SNTG2: variants seen among roughly 807,000 people sequenced by gnomAD.
SNTG2 encodes syntrophin gamma 2.
A neutral mutation model predicts 70.9 loss-of-function variants in SNTG2; 74 were observed. The observed-to-expected ratio is 1.04, with a 90% CI of 0.86 to 1.27. The LOEUF (loss-of-function observed/expected upper bound fraction) is 1.27, where lower values mean the gene tolerates loss of function less well. SNTG2 is among the 50% of genes most tolerant of loss of function. The pLI is 0.00. For missense variants in SNTG2, 717 were observed against 690.7 expected (o/e 1.04, Z -0.43); for synonymous variants, 278 against 273.8 (o/e 1.02, Z -0.15).
intron 4 of SNTG2, chr2:1,102,785 G>A (rs943783327): frequency 1.3e-5 from 2 of 152,480 alleles, no homozygotes; most frequent in Admixed American, 6.5e-5. Context: ...ACTTGCTGTA[G>A]GTGGAGAGGA....
At chr2:1,058,562 AGTGTCTCCTCAGCT>A (rs1295245441) in intron 1 of SNTG2, among the ~76,000 whole-genome samples, 2 of 152,222 alleles carry the variant, frequency 1.3e-5, no homozygotes, top group Non-Finnish European at 2.9e-5. Context: ...CAAAAATCCT[AGTGTCTCCTCAGCT>A]GCTGCTGTCT....
chr2:1,140,491 AGCAGGAGCT>A (rs1004318974), intron 6 of SNTG2, among the ~76,000 whole-genome samples: 22 of 152,338 alleles, frequency 1.4e-4, no homozygotes, highest in African/African-American at 4.8e-4. Context: ...GGGGGCGGGC[AGCAGGAGCT>A]GCCGGTTCCT....
Position 951,064 on chromosome 2 carries a change from C to T in SNTG2, c.68C>T (p.Ala23Val). 3 of 1,266,608 alleles carry T rather than the reference C, an allele frequency of 2.4e-6. No homozygotes were observed. The highest frequency in any genetic ancestry group is 3.0e-6 in the Non-Finnish European group (3 of 1,009,236). The allele number at this position is 1,266,608 out of a possible 1,614,324, so 78.5% of individuals were successfully genotyped here. Residue 23 changes from alanine (A) to valine (V), a missense_variant, in exon 1 of 17, where the codon GCG becomes GTG. Transcript: ENST00000308624. ...CGCCAGGGCTGCCTGCTGGTACCTG[C>T]GCGGGTGAGTGCGGCCCCTCAGCGC... The part of the protein sequence containing the change: ...RGRQGCLLVP[A>V]RTKTTIALLY...
At chr2:1,044,348 G>C (rs1334740922) in intron 1 of SNTG2, among the ~76,000 whole-genome samples, 1 of 152,016 alleles carries the variant, frequency 6.6e-6, no homozygotes, top group Non-Finnish European at 1.5e-5. Context: ...TATCATCTGT[G>C]AAAAGAGATA....
At chr2:951,131 C>A (rs1477300968) in intron 1 of SNTG2, 63 bp downstream of exon 1, 1 of 718,404 alleles carries the variant, frequency 1.4e-6, no homozygotes, top group East Asian at 3.4e-5. Context: ...TCGCGCCCTT[C>A]TCCCCCCGCC....
intron 9 of SNTG2, among the ~76,000 whole-genome samples, chr2:1,225,973 C>T (rs370712290): frequency 2.4e-4 from 36 of 151,698 alleles, no homozygotes; most frequent in African/African-American, 8.0e-4. Flanking sequence ...ATTTCTTGAC[C>T]ACCATTTAAT....
chr2:1,164,304 C>T (rs938858928), intron 6 of SNTG2, among the ~76,000 whole-genome samples: 2 of 126,762 alleles, frequency 1.6e-5, no homozygotes, highest in Non-Finnish European at 3.3e-5. Flanking sequence ...GACGAGAGGG[C>T]GGGGTGGGAT....
chr2:1,297,927 G>T (rs1434738059), intron 14 of SNTG2, among the ~76,000 whole-genome samples: 1 of 152,086 alleles, frequency 6.6e-6, no homozygotes, highest in African/African-American at 2.4e-5. Flanking sequence ...CTTGAGCAGG[G>T]CGCGTGTTGG....
chr2:1,353,391 G>A lies in SNTG2; in HGVS notation c.1489-13952G>A, dbSNP rs1660686080. Among the ~76,000 whole-genome samples, 1 of 152,180 alleles carries A rather than the reference G, an allele frequency of 6.6e-6. No individual in the cohort carries two copies. The highest frequency in any genetic ancestry group is 2.1e-4 in the South Asian group (1 of 4,828). ...CGCAAGTGTGGAATTGAGTTCCGGG[G>A]TGTGGCTGTTCCTCGTGATTGTTGC... is the stretch of plus-strand genomic sequence containing the variant. On this transcript the variant is annotated intron_variant, in intron 16 of 16. Coordinates refer to ENST00000308624, the MANE Select transcript of SNTG2 (RefSeq NM_018968.4). The surrounding 1 kb of genome is among the most constrained non-coding windows in gnomAD (Gnocchi z 4.2).
intron 7 of SNTG2, among the ~76,000 whole-genome samples, chr2:1,167,331 C>T (rs533519409): frequency 3.7e-4 from 55 of 150,454 alleles, no homozygotes; most frequent in African/African-American, 1.3e-3. Flanking sequence ...GCCTATAGGC[C>T]GCCCACAGAC....
intron 8 of SNTG2, among the ~76,000 whole-genome samples, chr2:1,182,156 T>A (rs543006537): frequency 6.6e-6 from 1 of 152,238 alleles, no homozygotes; most frequent in South Asian, 2.1e-4. Flanking sequence ...CACTCAGTGT[T>A]CTGGGTTCTT....
chr2:1,260,885 G>T (rs76357505), intron 13 of SNTG2, among the ~76,000 whole-genome samples: 3 of 151,902 alleles, frequency 2.0e-5, no homozygotes, highest in African/African-American at 7.3e-5. Flanking sequence ...TTCTCCTTCC[G>T]TGCACCTGAG....
chr2:1,309,661 G>A (rs1395048842), intron 15 of SNTG2, among the ~76,000 whole-genome samples: 1 of 152,250 alleles, frequency 6.6e-6, no homozygotes, highest in Non-Finnish European at 1.5e-5. Context: ...CTAGGGCCAT[G>A]GACTACTTCC....
At chr2:1,326,413 G>A (rs1188438015) in intron 16 of SNTG2, among the ~76,000 whole-genome samples, 1 of 152,066 alleles carries the variant, frequency 6.6e-6, no homozygotes. Context: ...TATCTCAAAG[G>A]TTTAACACAC....
At chr2:994,971 T>TA (rs1661631168) in intron 1 of SNTG2, among the ~76,000 whole-genome samples, 1 of 151,688 alleles carries the variant, frequency 6.6e-6, no homozygotes. Flanking sequence ...ACAGATTTCT[T>TA]AAAATTTTCT....
At chr2:1,350,121 C>G (rs1019645573) in intron 16 of SNTG2, among the ~76,000 whole-genome samples, 1 of 152,090 alleles carries the variant, frequency 6.6e-6, no homozygotes, top group Non-Finnish European at 1.5e-5. Flanking sequence ...ATCACCCCCC[C>G]AGTGCCTTCT....
intron 9 of SNTG2, among the ~76,000 whole-genome samples, chr2:1,210,901 T>A (rs7570253): frequency 0.18 from 27,756 of 152,092 alleles, 5,042 homozygotes; most frequent in African/African-American, 0.47. Context: ...CTAGGTGTGT[T>A]GTAGCCTGTA....
intron 4 of SNTG2, among the ~76,000 whole-genome samples, chr2:1,100,154 G>GTTT (rs111958119): frequency 7.5e-5 from 11 of 146,086 alleles, no homozygotes; most frequent in African/African-American, 2.8e-4. Flanking sequence ...CTTTTCCAGG[G>GTTT]TTTTTTTTTT....
At chr2:1,137,846 AT>A in intron 6 of SNTG2, 37 bp downstream of exon 6, 1 of 1,550,212 alleles carries the variant, frequency 6.5e-7, no homozygotes, top group Non-Finnish European at 8.9e-7. Flanking sequence ...TCTGTTTATT[AT>A]TCTTGTATTT....
Sources: allele counts gnomAD v4.1 joint callset (sites outside exome capture counted in the v4.1 genomes callset), GRCh38; gene constraint gnomAD v4.1.1; non-coding constraint Gnocchi (gnomAD v3.1); transcripts MANE v1.5; gene names NCBI Gene and HGNC (gene_info 2026-07-23, HGNC 2026-07-21).